CINP: variants seen among roughly 807,000 people sequenced by gnomAD.
CINP encodes cyclin-dependent kinase 2-interacting protein.
A neutral mutation model predicts 20.5 loss-of-function variants in CINP; 11 were observed. The observed-to-expected ratio is 0.54, with a 90% CI of 0.34 to 0.89. The LOEUF is 0.89. CINP is among the 40% of genes least tolerant of loss of function. The pLI, the probability that CINP is intolerant of heterozygous loss-of-function variation, is 0.02. For missense variants in CINP, 213 were observed against 251.0 expected (o/e 0.85, Z 1.02); for synonymous variants, 108 against 102.1 (o/e 1.06, Z -0.35).
At chr14:102,356,551 A>G (rs1887002488) in intron 2 of CINP, among the ~76,000 whole-genome samples, 1 of 152,106 alleles carries the variant, frequency 6.6e-6, no homozygotes, top group African/African-American at 2.4e-5. Context: ...GCCTCATTTT[A>G]TTGTGCTTCA....
At chr14:102,354,136 A>G (rs558431097) in intron 3 of CINP, among the ~76,000 whole-genome samples, 1 of 152,356 alleles carries the variant, frequency 6.6e-6, no homozygotes, top group East Asian at 1.9e-4. Flanking sequence ...AGCTTCAGTT[A>G]TCCAAGTTCA....
chr14:102,352,708 G>A (rs1197593173), intron 3 of CINP, among the ~76,000 whole-genome samples: 10 of 151,730 alleles, frequency 6.6e-5, no homozygotes, highest in Non-Finnish European at 1.3e-4. Context: ...GCCCAGACTG[G>A]AGTGCAGTGG....
chr14:102,362,837 T>A lies in CINP; in HGVS notation c.7+8A>T. The stretch of plus-strand genomic sequence containing the variant: ...CCCCACCCCGGGAAAGGAACCGATC[T>A]CACGCACCTTCCATAAGGTCCACAG... On this transcript the variant is annotated splice_region_variant and intron_variant, in intron 1 of 4. Transcript: ENST00000216756. The A allele has an allele frequency of 3.1e-6, 5 of 1,614,010 alleles. No homozygotes were observed. The highest frequency in any genetic ancestry group is 3.4e-6 in the Non-Finnish European group (4 of 1,179,954).
intron 3 of CINP, among the ~76,000 whole-genome samples, chr14:102,354,309 G>A (rs1031027907): frequency 6.6e-6 from 1 of 152,168 alleles, no homozygotes; most frequent in African/African-American, 2.4e-5. Flanking sequence ...AACTATCCCT[G>A]GAACACAGGT....
chr14:102,354,554 C>T (rs903054224), intron 3 of CINP, among the ~76,000 whole-genome samples: 3 of 152,014 alleles, frequency 2.0e-5, no homozygotes, highest in Non-Finnish European at 4.4e-5. Flanking sequence ...GCCAGGACTT[C>T]GAGACCAGCC....
In CINP at chr14:102,355,799, C is replaced by G. The variant is rs770866838; in HGVS notation, c.275G>C (p.Cys92Ser). 1 of 1,614,162 alleles carries G rather than the reference C, an allele frequency of 6.2e-7. No homozygotes were observed. The change falls in exon 3 of 5, where the codon TGT becomes TCT. Residue 92 changes from cysteine (C) to serine (S), a missense_variant. Coordinates refer to ENST00000216756, the MANE Select transcript of CINP (RefSeq NM_032630.3). ...ATCCAAGGTGGCCTGCAGTTCCTCA[C>G]ACAGCTTCTCCAGTTCCTCGTTATA... Reference protein sequence around the residue: ...LEYNEELEKLCEELQATLDGL... With the variant: ...LEYNEELEKLSEELQATLDGL...
In CINP at chr14:102,348,755, C is replaced by A; in HGVS notation, c.441G>T (p.Glu147Asp). The A allele has an allele frequency of 6.2e-7, 1 of 1,613,098 alleles. No homozygotes were observed. The change falls in exon 5 of 5, where the codon GAG becomes GAT. Residue 147 changes from glutamate (E) to aspartate (D), a missense_variant. Transcript: ENST00000216756. Reference protein sequence around the residue: ...FHTWPTTHFYEVSHKLLEMYR... With the variant: ...FHTWPTTHFYDVSHKLLEMYR... ...ACATCTCCAAGAGCTTATGCGAAAC[C>A]TCATCTGAAAGAAACGTGAATCTCC...
intron 2 of CINP, among the ~76,000 whole-genome samples, chr14:102,358,347 T>C (rs1250630229): frequency 6.6e-6 from 1 of 152,204 alleles, no homozygotes; most frequent in Non-Finnish European, 1.5e-5. Flanking sequence ...AGAACCAGAA[T>C]AGTGGCTCTA....
chr14:102,352,960 TA>T (rs199927666), intron 3 of CINP, among the ~76,000 whole-genome samples: 21 of 147,890 alleles, frequency 1.4e-4, no homozygotes, highest in Non-Finnish European at 3.0e-4. Flanking sequence ...AAACAAAAAT[TA>T]AAAAAAAACA....
rs1179715758 is a variant in CINP, at chr14:102,351,915, C to T, written c.307-1867G>A. Among the ~76,000 whole-genome samples, 1 of 152,012 alleles carries T rather than the reference C, an allele frequency of 6.6e-6. No individual in the cohort carries two copies. Among genetic ancestry groups the T allele is most frequent in the African/African-American group, 2.4e-5 (1 of 41,366 alleles). On this transcript the variant is annotated intron_variant, in intron 3 of 4. Transcript: ENST00000216756. The surrounding 1 kb of genome is among the most constrained non-coding windows in gnomAD (Gnocchi z 4.2). ...TTTTGTTTTTTTTGAGACAGAGTCT[C>T]GCTTTGTCACCCAGGCTGGAGTGCA...
intron 2 of CINP, among the ~76,000 whole-genome samples, chr14:102,358,494 A>C (rs1041839930): frequency 4.6e-5 from 7 of 152,174 alleles, no homozygotes; most frequent in Non-Finnish European, 7.3e-5. Flanking sequence ...TAGCCTGGCC[A>C]ACATGGTGAA....
In CINP at chr14:102,349,980, G is replaced by A; in HGVS notation, c.375C>T (p.Tyr125=). ...TTKGICELEN[Y]HYGEESKRPP... The stretch of plus-strand genomic sequence containing the variant: ...GTCGTTTACTCTCCTCCCCATAATG[G>A]TAGTTTTCTAGTTCACAAATTCCCT... Residue 125 remains tyrosine (Y), a synonymous_variant, in exon 4 of 5, where the codon TAC becomes TAT. Transcript: ENST00000216756. The A allele has an allele frequency of 6.2e-7, 1 of 1,613,846 alleles. No individual in the cohort carries two copies. Among genetic ancestry groups the A allele is most frequent in the Non-Finnish European group, 8.5e-7 (1 of 1,179,820 alleles).
intron 3 of CINP, among the ~76,000 whole-genome samples, chr14:102,354,209 C>T (rs1186580072): frequency 6.6e-6 from 1 of 152,192 alleles, no homozygotes; most frequent in Admixed American, 6.5e-5. Context: ...ATCTTCACAT[C>T]TGGTGGCCAG....
At chr14:102,350,306 T>C (rs1201601099) in intron 3 of CINP, among the ~76,000 whole-genome samples, 1 of 152,100 alleles carries the variant, frequency 6.6e-6, no homozygotes, top group Non-Finnish European at 1.5e-5. Flanking sequence ...CCGAGTGCCA[T>C]TTCACTAGGA....
Position 102,349,931 on chromosome 14 carries a change from T to C in CINP, c.424A>G (p.Thr142Ala). The C allele has an allele frequency of 6.2e-7, 1 of 1,613,872 alleles. No individual in the cohort carries two copies. Among genetic ancestry groups the C allele is most frequent in the Non-Finnish European group, 8.5e-7 (1 of 1,179,940 alleles). The change falls in exon 4 of 5, where the codon ACA becomes GCA. Residue 142 changes from threonine to alanine, a missense_variant. Thr to Ala is a moderately conservative substitution (Grantham distance 58). Coordinates refer to ENST00000216756, the MANE Select transcript of CINP (RefSeq NM_032630.3). ...KRPPLFHTWP[T>A]THFYEVSHKL... ...AGGAACTACTTACAGAAATGGGTTG[T>C]AGGCCACGTGTGGAACAGAGGGGGT...
At chr14:102,354,614 G>A (rs1886954146) in intron 3 of CINP, among the ~76,000 whole-genome samples, 1 of 151,170 alleles carries the variant, frequency 6.6e-6, no homozygotes, top group Non-Finnish European at 1.5e-5. Flanking sequence ...ACAATTAGCT[G>A]GGCATGGTGG....
intron 2 of CINP, among the ~76,000 whole-genome samples, chr14:102,356,137 G>A (rs1465959412): frequency 1.3e-5 from 2 of 152,134 alleles, no homozygotes; most frequent in Admixed American, 6.5e-5. Context: ...TGTGACAGCC[G>A]GTTTTGGTGG....
At position 102,362,820 on chromosome 14, in the gene CINP, C is replaced by T. The variant is rs747358634; in HGVS notation, c.7+25G>A. On this transcript the variant is annotated intron_variant, in intron 1 of 4. Coordinates refer to ENST00000216756, the MANE Select transcript of CINP (RefSeq NM_032630.3). ...AGTAACATTCACAGCCACCCCACCC[C>T]GGGAAAGGAACCGATCTCACGCACC... The T allele has an allele frequency of 5.6e-6, 9 of 1,613,892 alleles. No individual in the cohort carries two copies. The African/African-American group carries it at 1.2e-4, about 22-fold the overall frequency.
At chr14:102,349,245 C>T (rs1486821497) in intron 4 of CINP, among the ~76,000 whole-genome samples, 1 of 152,140 alleles carries the variant, frequency 6.6e-6, no homozygotes, top group African/African-American at 2.4e-5. Context: ...CAGAGCGAGA[C>T]TCTGTCTCAA....
Sources: allele counts gnomAD v4.1 joint callset (sites outside exome capture counted in the v4.1 genomes callset), GRCh38; gene constraint gnomAD v4.1.1; non-coding constraint Gnocchi (gnomAD v3.1); transcripts MANE v1.5; gene names NCBI Gene and HGNC (gene_info 2026-07-23, HGNC 2026-07-21).